Variants in SMOC2 observed in about 807,000 individuals in gnomAD.
SMOC2 encodes the protein SPARC related modular calcium binding 2.
A neutral mutation model predicts 61.4 loss-of-function variants in SMOC2; 39 were observed. That is an observed-to-expected ratio of 0.64 (90% CI 0.49 to 0.83). The LOEUF (loss-of-function observed/expected upper bound fraction) is 0.83. Among genes scored for constraint, SMOC2 ranks in the 40% least tolerant of loss-of-function variants. SMOC2 has a pLI of 0.00. For synonymous variants in SMOC2, 247 were observed against 239.9 expected (o/e 1.03, Z -0.27); for missense variants, 556 against 592.9 (o/e 0.94, Z 0.65).
intron 1 of SMOC2, among the ~76,000 whole-genome samples, chr6:168,476,466 C>CTG (rs1191864533): frequency 1.9e-4 from 26 of 139,868 alleles, no homozygotes; most frequent in African/African-American, 5.4e-4. Context: ...ATCTTTTATC[C>CTG]TGTGTGTGTG....
intron 1 of SMOC2, among the ~76,000 whole-genome samples, chr6:168,456,189 CTAGA>C (rs1781582355): frequency 6.6e-6 from 1 of 152,242 alleles, no homozygotes; most frequent in Admixed American, 6.5e-5. Flanking sequence ...GGTTCAATTG[CTAGA>C]TAGTTTAAAA....
At chr6:168,530,606 G>A (rs192819730) in intron 4 of SMOC2, among the ~76,000 whole-genome samples, 121 of 150,400 alleles carry the variant, frequency 8.0e-4, no homozygotes, top group African/African-American at 2.9e-3. Context: ...CACACCCACT[G>A]GTTGGAAATG....
At chr6:168,454,767 C>A (rs968308099) in intron 1 of SMOC2, among the ~76,000 whole-genome samples, 3 of 152,204 alleles carry the variant, frequency 2.0e-5, no homozygotes, top group Non-Finnish European at 4.4e-5. Context: ...GGTGAGCTTA[C>A]AACTTCTCCA....
intron 9 of SMOC2, among the ~76,000 whole-genome samples, chr6:168,641,372 C>A (rs1786886850): frequency 6.6e-6 from 1 of 152,172 alleles, no homozygotes. Context: ...CATAAACCCT[C>A]CGTGTCTCTT....
intron 1 of SMOC2, among the ~76,000 whole-genome samples, chr6:168,450,710 C>G (rs542348018): frequency 1.9e-3 from 294 of 152,282 alleles, no homozygotes; most frequent in South Asian, 8.1e-3. Flanking sequence ...CTGTTTGGAG[C>G]TTTGGTTCAT....
At chr6:168,583,293 G>T (rs968822771) in intron 7 of SMOC2, among the ~76,000 whole-genome samples, 1 of 148,436 alleles carries the variant, frequency 6.7e-6, no homozygotes, top group Non-Finnish European at 1.5e-5. Context: ...CAGTGGGCTC[G>T]GCCCTGCCCT....
At chr6:168,468,722 C>T (rs6922623) in intron 1 of SMOC2, among the ~76,000 whole-genome samples, 7,409 of 151,942 alleles carry the variant, frequency 0.049, 617 homozygotes, top group African/African-American at 0.17. Flanking sequence ...TTTGTAGAGA[C>T]GGGGTTTCAC....
intron 7 of SMOC2, among the ~76,000 whole-genome samples, chr6:168,573,781 G>T (rs948235437): frequency 4.6e-5 from 7 of 152,096 alleles, no homozygotes; most frequent in African/African-American, 9.7e-5. Context: ...TCAGGCAGGT[G>T]CCCCCGACGT....
At chr6:168,469,103 C>T (rs950931504) in intron 1 of SMOC2, among the ~76,000 whole-genome samples, 1 of 152,192 alleles carries the variant, frequency 6.6e-6, no homozygotes, top group Non-Finnish European at 1.5e-5. Flanking sequence ...TCTAATGGGT[C>T]AGACCCAGCT....
chr6:168,462,563 G>A (rs1030575674), intron 1 of SMOC2, among the ~76,000 whole-genome samples: 5 of 152,116 alleles, frequency 3.3e-5, no homozygotes, highest in Admixed American at 6.5e-5. Flanking sequence ...CTGTGGTGCT[G>A]GAATTCCCAG....
At position 168,518,890 on chromosome 6, in the gene SMOC2, CGT is replaced by C. The variant is rs201714375; in HGVS notation, c.257-7448_257-7447del. 3.3e-3 allele frequency among the ~76,000 whole-genome samples: 490 copies of C among 147,708 alleles called. 3 individuals carry two copies. Among genetic ancestry groups the C allele is most frequent in the African/African-American group, 9.8e-3 (387 of 39,634 alleles). On this transcript the variant is annotated intron_variant, in intron 2 of 12. Transcript: ENST00000356284. Reference sequence around the variant, plus strand: ...GAATGTATTCATGTGTCTGAGCATGCGTGTGTGTGCGTGCATGTGTGAGTGAG... The same window carrying C: ...GAATGTATTCATGTGTCTGAGCATGCGTGTGTGCGTGCATGTGTGAGTGAG...
At chr6:168,450,500 G>A (rs1451647415) in intron 1 of SMOC2, among the ~76,000 whole-genome samples, 1 of 152,174 alleles carries the variant, frequency 6.6e-6, no homozygotes, top group Non-Finnish European at 1.5e-5. Flanking sequence ...CCCCTTCCCA[G>A]CCAGTCCTTC....
intron 12 of SMOC2, among the ~76,000 whole-genome samples, chr6:168,666,218 T>C (rs1418312513): frequency 2.0e-5 from 3 of 152,166 alleles, no homozygotes; most frequent in African/African-American, 7.2e-5. Flanking sequence ...TTCCCAATTT[T>C]TCTATCATGT....
chr6:168,505,468 T>C (rs1782852076), intron 1 of SMOC2, among the ~76,000 whole-genome samples: 1 of 151,680 alleles, frequency 6.6e-6, no homozygotes, highest in Non-Finnish European at 1.5e-5. Flanking sequence ...ATCTCTCAGA[T>C]GCCGGATGAA....
At chr6:168,503,009 G>T (rs1009630026) in intron 1 of SMOC2, among the ~76,000 whole-genome samples, 1 of 147,768 alleles carries the variant, frequency 6.8e-6, no homozygotes, top group Admixed American at 6.8e-5. Flanking sequence ...CTTGTGATCT[G>T]CCTGCCTTGG....
intron 1 of SMOC2, among the ~76,000 whole-genome samples, chr6:168,500,706 C>G (rs532668415): frequency 1.7e-3 from 260 of 152,290 alleles, no homozygotes; most frequent in African/African-American, 6.0e-3. Flanking sequence ...TTCTCTACCC[C>G]CCGAGGAGGT....
rs201190149 is a variant in SMOC2 at position 168,549,146 on chromosome 6, C to T, written c.580C>T (p.Pro194Ser). ...GTTCATAGATATTGCATCACGTTAC[C>T]CTACCCTTTGGACTGAACAGGTTAA... Reference protein sequence around the residue: ...GDEEDIASRYPTLWTEQVKSR... With the variant: ...GDEEDIASRYSTLWTEQVKSR... The change falls in exon 7 of 13, where the codon CCT becomes TCT. Residue 194 changes from proline (P) to serine (S), a missense_variant. Physicochemically the swap from Pro to Ser is moderately conservative, Grantham distance 74. Transcript: ENST00000356284. 2.4e-5 allele frequency: 39 copies of T among 1,613,912 alleles called. No homozygotes were observed. Among genetic ancestry groups the T allele is most frequent in the Non-Finnish European group, 3.1e-5 (36 of 1,179,966 alleles).
At chr6:168,487,218 A>G (rs893157903) in intron 1 of SMOC2, among the ~76,000 whole-genome samples, 4 of 152,052 alleles carry the variant, frequency 2.6e-5, no homozygotes, top group Admixed American at 1.3e-4. Flanking sequence ...TTAAAATTCT[A>G]CTTTCCCCTG....
At chr6:168,517,686 C>T (rs1783177196) in intron 2 of SMOC2, among the ~76,000 whole-genome samples, 3 of 152,230 alleles carry the variant, frequency 2.0e-5, no homozygotes, top group Admixed American at 2.0e-4. Flanking sequence ...GGCAATGGCC[C>T]CTGCGGCTCG....
Sources: gnomAD v4.1 joint callset for allele counts (sites outside exome capture counted in the v4.1 genomes callset) on GRCh38, gnomAD v4.1.1 for gene constraint, MANE v1.5 for transcripts, NCBI Gene and HGNC (gene_info 2026-07-23, HGNC 2026-07-21) for gene names.